The following MLIP variants were observed in gnomAD, a reference collection of about 807,000 sequenced individuals.
The protein encoded by MLIP is muscular LMNA-interacting protein.
In MLIP, 79 loss-of-function variants were observed where a neutral mutation model predicts 84.8. The ratio of observed to expected loss-of-function variants is 0.93; its 90% confidence interval spans 0.78 to 1.12. MLIP has a LOEUF of 1.12. Among genes scored for constraint, MLIP ranks in the 50% most tolerant of loss-of-function variants. The pLI is 0.00. For synonymous variants in MLIP, 504 were observed against 463.0 expected (o/e 1.09, Z -1.14); for missense variants, 1,257 against 1,160.6 (o/e 1.08, Z -1.21).
intron 1 of MLIP, among the ~76,000 whole-genome samples, chr6:54,073,147 G>C (rs2150346320): frequency 6.6e-6 from 1 of 152,312 alleles, no homozygotes; most frequent in South Asian, 2.1e-4. Flanking sequence ...CTGCCAGTGG[G>C]GTTGGCCTGA....
At chr6:54,097,539 T>C (rs1297171512) in intron 1 of MLIP, among the ~76,000 whole-genome samples, 2 of 152,098 alleles carry the variant, frequency 1.3e-5, no homozygotes, top group African/African-American at 4.8e-5. Context: ...TGGAAACAAG[T>C]GAGACAAAAT....
At chr6:54,234,366 A>G (rs549652872) in intron 12 of MLIP, among the ~76,000 whole-genome samples, 9 of 152,294 alleles carry the variant, frequency 5.9e-5, no homozygotes, top group Admixed American at 3.9e-4. Flanking sequence ...GAAGATAATG[A>G]AAAACATATA....
chr6:54,254,917 C>T (rs992777988), intron 12 of MLIP, among the ~76,000 whole-genome samples: 9 of 151,974 alleles, frequency 5.9e-5, no homozygotes, highest in Non-Finnish European at 1.2e-4. Flanking sequence ...CACATGACCA[C>T]ACGTGTCCCC....
chr6:54,078,136 T>C (rs917651354), intron 1 of MLIP, among the ~76,000 whole-genome samples: 1 of 152,228 alleles, frequency 6.6e-6, no homozygotes, highest in Non-Finnish European at 1.5e-5. Context: ...TACTGCTTCT[T>C]ACTGTCATCG....
intron 1 of MLIP, among the ~76,000 whole-genome samples, chr6:54,063,719 G>GGT (rs1236347998): frequency 8.4e-6 from 1 of 119,556 alleles, no homozygotes; most frequent in East Asian, 2.5e-4. Flanking sequence ...CTAGGTCAGT[G>GGT]GCGTGTGTGT....
At chr6:54,019,113 A>C in intron 1 of MLIP, 1 of 1,610,064 alleles carries the variant, frequency 6.2e-7, no homozygotes, top group Non-Finnish European at 8.5e-7. Context: ...GATTTAGCAC[A>C]CACAGATTTA....
chr6:54,158,814 T>C lies in MLIP; in HGVS notation c.2290-1553T>C, dbSNP rs9382298. The stretch of plus-strand genomic sequence containing the variant: ...CTGGTAAGAGAGAACTGGAGTTGCA[T>C]CTCCGTTAAGAATCAAGATTTTTGA... On this transcript the variant is annotated intron_variant, in intron 5 of 13. Transcript: ENST00000502396. 6.6e-4 allele frequency among the ~76,000 whole-genome samples: 101 copies of C among 152,098 alleles called. No individual in the cohort carries two copies. The East Asian group carries it at 0.011, about 16-fold the overall frequency.
At chr6:54,200,336 A>G (rs1778583357) in intron 10 of MLIP, among the ~76,000 whole-genome samples, 1 of 152,148 alleles carries the variant, frequency 6.6e-6, no homozygotes, top group Non-Finnish European at 1.5e-5. Flanking sequence ...CTTTCTGCAT[A>G]GTGACACCAA....
intron 12 of MLIP, among the ~76,000 whole-genome samples, chr6:54,241,622 T>C (rs890372023): frequency 2.0e-5 from 3 of 152,286 alleles, no homozygotes; most frequent in Middle Eastern, 3.4e-3. Flanking sequence ...GCCCTTTTCA[T>C]AAAGATATTT....
chr6:54,155,065 G>A (rs533757219), intron 5 of MLIP, among the ~76,000 whole-genome samples: 1 of 152,208 alleles, frequency 6.6e-6, no homozygotes, highest in South Asian at 2.1e-4. Flanking sequence ...GCTCTTGGGA[G>A]TAAAATCACC....
chr6:54,198,142 A>T (rs748238980), intron 10 of MLIP, among the ~76,000 whole-genome samples: 1 of 152,268 alleles, frequency 6.6e-6, no homozygotes, highest in African/African-American at 2.4e-5. Context: ...GTGTCTTTCA[A>T]CTTTTAATGT....
At chr6:54,039,001 A>G (rs1339047288) in intron 1 of MLIP, among the ~76,000 whole-genome samples, 1 of 151,832 alleles carries the variant, frequency 6.6e-6, no homozygotes, top group Non-Finnish European at 1.5e-5. Context: ...CTATTGAGAA[A>G]TTTTTCTCTG....
intron 3 of MLIP, among the ~76,000 whole-genome samples, chr6:54,126,511 G>A (rs1207932416): frequency 6.6e-6 from 1 of 151,630 alleles, no homozygotes; most frequent in Non-Finnish European, 1.5e-5. Context: ...CAGTAGTGGT[G>A]GAATACTAGA....
Position 54,137,723 on chromosome 6 carries a change from C to T in MLIP, c.1654C>T (p.Pro552Ser), listed in dbSNP as rs761503158. ...TACATCCAGTTCTGTGGGTCTTCCTCCTGTTCCACCAAGCTCTTCTCTTTC... is the reference window on the plus strand; with the variant it reads ...TACATCCAGTTCTGTGGGTCTTCCTTCTGTTCCACCAAGCTCTTCTCTTTC... ...TSTSSSVGLP[P>S]VPPSSSLSSL... The change falls in exon 4 of 14, where the codon CCT becomes TCT. Residue 552 changes from proline to serine, a missense_variant. By Grantham distance (74) the Pro-to-Ser change is moderately conservative. Coordinates refer to ENST00000502396, the MANE Select transcript of MLIP (RefSeq NM_001281747.2). The T allele has an allele frequency of 1.3e-6, 2 of 1,536,072 alleles. No individual in the cohort carries two copies. Among genetic ancestry groups the T allele is most frequent in the African/African-American group, 1.4e-5 (1 of 73,158 alleles).
At chr6:54,051,520 CT>C (rs1045300831) in intron 1 of MLIP, among the ~76,000 whole-genome samples, 1 of 152,092 alleles carries the variant, frequency 6.6e-6, no homozygotes, top group Non-Finnish European at 1.5e-5. Flanking sequence ...AAGGAGACTG[CT>C]TTTTCCTCTT....
chr6:54,026,028 A>T (rs1763782301), intron 1 of MLIP, among the ~76,000 whole-genome samples: 1 of 152,190 alleles, frequency 6.6e-6, no homozygotes, highest in African/African-American at 2.4e-5. Context: ...AGAGACCAAA[A>T]TTTCATGTTA....
intron 13 of MLIP, among the ~76,000 whole-genome samples, chr6:54,265,677 C>A (rs1783645667): frequency 6.6e-6 from 1 of 152,030 alleles, no homozygotes; most frequent in African/African-American, 2.4e-5. Context: ...CCCCTCAAAA[C>A]CATCATGGCA....
At chr6:54,088,662 C>G (rs1767657378) in intron 1 of MLIP, among the ~76,000 whole-genome samples, 1 of 152,174 alleles carries the variant, frequency 6.6e-6, no homozygotes, top group African/African-American at 2.4e-5. Context: ...GCTTGAATAG[C>G]TTATTATACC....
Position 54,087,475 on chromosome 6 carries a change from CAT to C in MLIP, c.64-33970_64-33969del, listed in dbSNP as rs1767574622. The stretch of plus-strand genomic sequence containing the variant: ...AATGTTATTTGATGCAAAAAAGAAA[CAT>C]AAAAAAACCCACAGAAATCAGGGAT... On this transcript the variant is annotated intron_variant, in intron 1 of 12. Transcript: ENST00000274897. 2.0e-5 allele frequency among the ~76,000 whole-genome samples: 3 copies of C among 151,938 alleles called. No individual in the cohort carries two copies. The South Asian group carries it at 6.2e-4, about 32-fold the overall frequency.
Sources: allele counts gnomAD v4.1 joint callset (sites outside exome capture counted in the v4.1 genomes callset), GRCh38; gene constraint gnomAD v4.1.1; transcripts MANE v1.5; gene names NCBI Gene and HGNC (gene_info 2026-07-23, HGNC 2026-07-21).